ZNF341: variants seen among roughly 807,000 people sequenced by gnomAD.
ZNF341 encodes the protein zinc finger protein 341.
Under a neutral mutation model 87.7 loss-of-function variants are expected in ZNF341, and 52 were observed. That is an observed-to-expected ratio of 0.59 (90% CI 0.47 to 0.75). The LOEUF is 0.75. ZNF341 is among the 30% of genes least tolerant of loss of function. The probability of loss-of-function intolerance (pLI) is 0.00; values close to 1 mark genes in which losing one functional copy is unlikely to be tolerated. For synonymous variants in ZNF341, 459 were observed against 472.7 expected, an observed-to-expected ratio of 0.97 and a Z score of 0.38; for missense variants, 977 against 1,145.9, an observed-to-expected ratio of 0.85 and a Z score of 2.13.
chr20:33,771,298 T>G (rs2019527796), intron 10 of ZNF341, among the ~76,000 whole-genome samples: 1 of 152,118 alleles, frequency 6.6e-6, no homozygotes, highest in Admixed American at 6.5e-5. Context: ...TTGCCCAGGT[T>G]GGAGTCCAGT....
chr20:33,789,944 G>A (rs1215373404), intron 14 of ZNF341, among the ~76,000 whole-genome samples: 1 of 152,146 alleles, frequency 6.6e-6, no homozygotes, highest in African/African-American at 2.4e-5. Flanking sequence ...GGGCAGGGCA[G>A]GGGTCTCCAA....
intron 5 of ZNF341, among the ~76,000 whole-genome samples, chr20:33,756,368 C>CTTTT (rs5841147): frequency 1.5e-5 from 2 of 137,082 alleles, no homozygotes; most frequent in Admixed American, 7.2e-5. Context: ...CTCTCTCTCT[C>CTTTT]TTTTTTTTTT....
intron 2 of ZNF341, among the ~76,000 whole-genome samples, chr20:33,743,112 AC>A (rs2018840774): frequency 7.0e-6 from 1 of 142,444 alleles, no homozygotes; most frequent in Non-Finnish European, 1.5e-5. Context: ...GCTTACTGCT[AC>A]CTCTGTCTCC....
At position 33,791,049 on chromosome 20, in the gene ZNF341, C is replaced by T. The variant is rs142377652; in HGVS notation, c.2097C>T (p.Ala699=). 6.2e-6 allele frequency: 10 copies of T among 1,613,418 alleles called. No individual in the cohort carries two copies. The highest frequency in any genetic ancestry group is 4.5e-5 in the East Asian group (2 of 44,894). ...CCTTCAGCCGCCGTGCCCACCTCGC[C>T]GAGCATCAGCGCGCCCACACGGGCA... ...SKSFSRRAHL[A]EHQRAHTGNY... The change falls in exon 15 of 15, where the codon GCC becomes GCT. Residue 699 remains alanine, a synonymous_variant. Coordinates refer to ENST00000375200, the MANE Select transcript of ZNF341 (RefSeq NM_001282933.2).
At chr20:33,744,631 G>A (rs549361735) in intron 2 of ZNF341, among the ~76,000 whole-genome samples, 2 of 152,008 alleles carry the variant, frequency 1.3e-5, no homozygotes, top group South Asian at 4.2e-4. Flanking sequence ...TCGCTCTGTT[G>A]CCCAGGCTGG....
intron 3 of ZNF341, among the ~76,000 whole-genome samples, chr20:33,748,721 C>T (rs1191000945): frequency 6.6e-6 from 1 of 152,156 alleles, no homozygotes; most frequent in African/African-American, 2.4e-5. Flanking sequence ...GGTAGAGTGA[C>T]TTGCCCAGGG....
intron 6 of ZNF341, 42 bp from the exon 7 acceptor site, chr20:33,758,674 C>T (rs1373780298): frequency 1.3e-6 from 2 of 1,546,608 alleles, no homozygotes; most frequent in Non-Finnish European, 1.8e-6. Flanking sequence ...CCCTGAGCTG[C>T]ACCCCCAGCC....
rs749691341 is a variant in ZNF341, at chr20:33,757,169, C to A, written c.763C>A (p.Pro255Thr). Reference sequence around the variant, plus strand: ...CTAGGTGCCAAACCAGTGTGTGGAGCCTCCAGTATATCCCACCCCCACAGT... The same window carrying A: ...CTAGGTGCCAAACCAGTGTGTGGAGACTCCAGTATATCCCACCCCCACAGT... ...PLEVPNQCVE[P>T]PVYPTPTVYS... Residue 255 changes from proline to threonine, a missense_variant, in exon 6 of 15, where the codon CCT becomes ACT. Pro to Thr is a conservative substitution (Grantham distance 38). This residue lies in a region of ZNF341 where 515 missense variants were observed against 598.2 expected (regional missense o/e 0.86). Transcript: ENST00000375200. 3 of 1,463,136 alleles carry A rather than the reference C, an allele frequency of 2.1e-6. No homozygotes were observed. The highest frequency in any genetic ancestry group is 2.7e-6 in the Non-Finnish European group (3 of 1,103,794). 90.6% of individuals were successfully genotyped at this position (1,463,136 alleles called of 1,614,324 possible). A position where few individuals can be genotyped will look rare whatever the true frequency, so the allele number is the denominator to read the frequency against.
At chr20:33,785,421 T>A (rs1281142875) in intron 12 of ZNF341, among the ~76,000 whole-genome samples, 2 of 152,140 alleles carry the variant, frequency 1.3e-5, no homozygotes. Context: ...CACTACAACC[T>A]CCGCCTCCCA....
chr20:33,755,380 T>C (rs2019155439), intron 5 of ZNF341, among the ~76,000 whole-genome samples: 1 of 152,052 alleles, frequency 6.6e-6, no homozygotes, highest in Admixed American at 6.6e-5. Context: ...CAGGTTGGTC[T>C]CCATCTCCTG....
chr20:33,770,331 T>TGGGGGGGG, intron 10 of ZNF341, 39 bp downstream of exon 10: 1 of 388,322 alleles, frequency 2.6e-6, no homozygotes, highest in Non-Finnish European at 5.3e-6. Context: ...GGTGGACGGG[T>TGGGGGGGG]GGGTGGGCAG....
chr20:33,739,709 A>G (rs372653169), intron 1 of ZNF341, among the ~76,000 whole-genome samples: 36 of 152,320 alleles, frequency 2.4e-4, no homozygotes, highest in African/African-American at 8.2e-4. Flanking sequence ...GGACTTTGTC[A>G]CCTAGGATTA....
intron 8 of ZNF341, among the ~76,000 whole-genome samples, chr20:33,764,088 G>T (rs565463211): frequency 6.8e-6 from 1 of 147,904 alleles, no homozygotes; most frequent in Non-Finnish European, 1.5e-5. Flanking sequence ...GCAGTGGCGC[G>T]ATCTCAGCTC....
rs149892957 is a variant in ZNF341, at chr20:33,789,549, C to T, written c.1996C>T (p.Arg666Trp). Residue 666 changes from arginine to tryptophan, a missense_variant, in exon 14 of 15, where the codon CGG (arginine) becomes TGG (tryptophan). By Grantham distance (101) the Arg-to-Trp change is moderately radical (BLOSUM62 -3). Around this residue, in one of 3 missense-constraint regions of ZNF341, gnomAD observed 241 missense variants for 335.0 expected, o/e 0.72. Transcript: ENST00000375200. ...THTGCSKEFN[R>W]PDKLKAHILS... The stretch of plus-strand genomic sequence containing the variant: ...CACAGGCTGCAGTAAGGAGTTCAAC[C>T]GGCCGGACAAGCTGAAGGCCCACAT... 1.4e-5 allele frequency: 22 copies of T among 1,613,972 alleles called. No individual in the cohort carries two copies. Among genetic ancestry groups the T allele is most frequent in the African/African-American group, 2.7e-5 (2 of 74,912 alleles).
Position 33,788,923 on chromosome 20 carries a change from A to G in ZNF341, c.1913A>G (p.Lys638Arg), listed in dbSNP as rs2019933749. ...ESAFNRKDKL[K>R]RHMLIHEPFK... ...GCGTTCAACCGCAAGGACAAACTGAAGAGACACATGTTGATCCACGAGCCC... is the reference window on the plus strand; with the variant it reads ...GCGTTCAACCGCAAGGACAAACTGAGGAGACACATGTTGATCCACGAGCCC... Residue 638 changes from lysine (K) to arginine (R), a missense_variant, in exon 13 of 15, where the codon AAG (lysine) becomes AGG (arginine). This residue lies in a region of ZNF341 where 241 missense variants were observed against 335.0 expected (regional missense o/e 0.72). Transcript: ENST00000375200. 6.2e-7 allele frequency: 1 copy of G among 1,614,048 alleles called. No homozygotes were observed. Among genetic ancestry groups the G allele is most frequent in the East Asian group, 2.2e-5 (1 of 44,880 alleles).
chr20:33,748,364 C>T (rs2018981864), intron 3 of ZNF341, among the ~76,000 whole-genome samples: 1 of 152,148 alleles, frequency 6.6e-6, no homozygotes. Flanking sequence ...GCCACCATGC[C>T]TGGCTGATAC....
At chr20:33,777,634 C>CAA (rs1234459219) in intron 10 of ZNF341, among the ~76,000 whole-genome samples, 3 of 82,508 alleles carry the variant, frequency 3.6e-5, no homozygotes, top group Non-Finnish European at 5.2e-5. Context: ...ACTCTTGTCT[C>CAA]AAAAAAAAAA....
At chr20:33,771,619 C>A (rs1439234707) in intron 10 of ZNF341, among the ~76,000 whole-genome samples, 1 of 152,040 alleles carries the variant, frequency 6.6e-6, no homozygotes, top group Admixed American at 6.6e-5. Context: ...TTCTGATAAT[C>A]ATTTATATCA....
chr20:33,747,271 C>T (rs951499887), intron 3 of ZNF341, among the ~76,000 whole-genome samples: 6 of 152,108 alleles, frequency 3.9e-5, no homozygotes, highest in African/African-American at 1.4e-4. Flanking sequence ...TGAAAGCATT[C>T]ACCCCAGACC....
Sources: allele counts gnomAD v4.1 joint callset (sites outside exome capture counted in the v4.1 genomes callset), GRCh38; gene constraint gnomAD v4.1.1; regional missense constraint gnomAD v4.1.1; transcripts MANE v1.5; gene names NCBI Gene and HGNC (gene_info 2026-07-23, HGNC 2026-07-21).